Variants in KREMEN1 observed in about 807,000 individuals in gnomAD.
KREMEN1 encodes the protein kringle containing transmembrane protein 1.
Under a neutral mutation model 46.5 loss-of-function variants are expected in KREMEN1, and 30 were observed. That is an observed-to-expected ratio of 0.65 (90% CI 0.48 to 0.88). The LOEUF is 0.88. KREMEN1 is among the 40% of genes least tolerant of loss of function. The probability of loss-of-function intolerance (pLI) is 0.00; values close to 1 mark genes in which losing one functional copy is unlikely to be tolerated. For synonymous variants in KREMEN1, 214 were observed against 230.6 expected (o/e 0.93, Z 0.65); for missense variants, 533 against 596.9 (o/e 0.89, Z 1.11).
intron 1 of KREMEN1, among the ~76,000 whole-genome samples, chr22:29,084,930 G>C (rs2037707512): frequency 6.6e-6 from 1 of 152,114 alleles, no homozygotes; most frequent in Non-Finnish European, 1.5e-5. Context: ...TCCTTAAATG[G>C]AAAAGAAGAT....
chr22:29,125,364 C>G lies in KREMEN1; in HGVS notation c.579C>G (p.Phe193Leu). 6.2e-7 allele frequency: 1 copy of G among 1,614,176 alleles called. No individual in the cohort carries two copies. Among genetic ancestry groups the G allele is most frequent in the Non-Finnish European group, 8.5e-7 (1 of 1,180,022 alleles). The change falls in exon 5 of 9, where the codon TTC (phenylalanine) becomes TTG (leucine). Residue 193 changes from phenylalanine to leucine, a missense_variant. Transcript: ENST00000400335. ...GTACCGAATGCAACAGCGTCTGCTT[C>G]GGGGATCACACCCAACCCTGTGGTG... ...AASTECNSVCFGDHTQPCGGD... is the reference protein window; with the variant it reads ...AASTECNSVCLGDHTQPCGGD...
At chr22:29,133,019 C>T (rs774241256) in intron 5 of KREMEN1, among the ~76,000 whole-genome samples, 3 of 152,026 alleles carry the variant, frequency 2.0e-5, no homozygotes, top group Non-Finnish European at 2.9e-5. Flanking sequence ...GAGGCCGAGG[C>T]GGGTGGATCA....
chr22:29,096,761 T>C (rs889441920), intron 2 of KREMEN1, among the ~76,000 whole-genome samples: 1 of 152,160 alleles, frequency 6.6e-6, no homozygotes, highest in African/African-American at 2.4e-5. Context: ...TAATAAACAG[T>C]TTTCTAAGGG....
intron 6 of KREMEN1, among the ~76,000 whole-genome samples, 170 bp downstream of exon 6, chr22:29,137,844 A>G (rs2038695669): frequency 6.6e-6 from 1 of 152,166 alleles, no homozygotes; most frequent in Admixed American, 6.5e-5. Flanking sequence ...CCCCCATTTC[A>G]TAACTCATTT....
In KREMEN1 at chr22:29,144,262, C is replaced by G. The variant is rs1386651539; in HGVS notation, c.*2150C>G. The G allele has an allele frequency of 3.0e-6, 3 of 985,492 alleles. No individual in the cohort carries two copies. The African/African-American group carries it at 5.2e-5, about 17-fold the overall frequency. The allele number at this position is 985,492 out of a possible 1,614,324, so 61.0% of individuals were successfully genotyped here. ...TGGAAACACCTCTGCACCTGCCGCC[C>G]CTGGGAGGAAAGAGGGCCACACAGG... On this transcript the variant is annotated 3_prime_UTR_variant, in exon 9 of 9. Transcript: ENST00000400335.
At chr22:29,165,849 T>G (rs2039048864) in intron 9 of KREMEN1, among the ~76,000 whole-genome samples, 1 of 152,170 alleles carries the variant, frequency 6.6e-6, no homozygotes, top group South Asian at 2.1e-4. Context: ...GCATCTTCTC[T>G]CAGACTCTCA....
At chr22:29,090,694 C>G (rs1569314457) in intron 1 of KREMEN1, among the ~76,000 whole-genome samples, 3 of 152,164 alleles carry the variant, frequency 2.0e-5, no homozygotes, top group Non-Finnish European at 4.4e-5. Context: ...ATTTACCTAA[C>G]ATACACCCTA....
At chr22:29,090,912 C>G (rs79194480) in intron 1 of KREMEN1, among the ~76,000 whole-genome samples, 1 of 152,242 alleles carries the variant, frequency 6.6e-6, no homozygotes, top group South Asian at 2.1e-4. Flanking sequence ...GAAGCCTGCA[C>G]TTTCCCATTT....
intron 9 of KREMEN1, among the ~76,000 whole-genome samples, chr22:29,165,002 GT>G (rs1231679969): frequency 1.3e-5 from 2 of 151,758 alleles, no homozygotes; most frequent in Admixed American, 1.3e-4. Context: ...GTGAAACCCC[GT>G]CCCTACTAAA....
chr22:29,119,188 A>G (rs747895633), intron 3 of KREMEN1, among the ~76,000 whole-genome samples: 42 of 152,258 alleles, frequency 2.8e-4, no homozygotes, highest in Non-Finnish European at 5.0e-4. Flanking sequence ...TCTCAATTCA[A>G]TAGTTAAAAA....
chr22:29,131,556 A>C (rs796802623), intron 5 of KREMEN1, among the ~76,000 whole-genome samples: 1 of 72,078 alleles, frequency 1.4e-5, no homozygotes, highest in South Asian at 4.0e-4. Flanking sequence ...ATATATATAT[A>C]TATATGTGTG....
Position 29,145,733 on chromosome 22 carries a change from G to C in KREMEN1, c.*3621G>C. 5 of 985,560 alleles carry C rather than the reference G, an allele frequency of 5.1e-6. No homozygotes were observed. Among genetic ancestry groups the C allele is most frequent in the Non-Finnish European group, 6.0e-6 (5 of 829,992 alleles). 61.1% of individuals were successfully genotyped at this position (985,560 alleles called of 1,614,324 possible). ...CTGTCCCCCACGTCAGGACAGGCTTGAGGCCTCTCTGGGCGTGAGCGAGGA... is the reference window on the plus strand; with the variant it reads ...CTGTCCCCCACGTCAGGACAGGCTTCAGGCCTCTCTGGGCGTGAGCGAGGA... On this transcript the variant is annotated 3_prime_UTR_variant, in exon 9 of 9. Coordinates refer to ENST00000400335, the MANE Select transcript of KREMEN1 (RefSeq NM_001039570.3).
Position 29,073,137 on chromosome 22 carries a change from C to G in KREMEN1, c.7C>G (p.Pro3Ala). 9.3e-7 allele frequency: 1 copy of G among 1,079,824 alleles called. No homozygotes were observed. The highest frequency in any genetic ancestry group is 1.1e-6 in the Non-Finnish European group (1 of 893,954). 66.9% of individuals were successfully genotyped at this position (1,079,824 alleles called of 1,614,324 possible). A position where few individuals can be genotyped will look rare whatever the true frequency, so the allele number is the denominator to read the frequency against. The change falls in exon 1 of 9, where the codon CCG (proline) becomes GCG (alanine). Residue 3 changes from proline to alanine, a missense_variant. Physicochemically the swap from Pro to Ala is conservative, Grantham distance 27. Coordinates refer to ENST00000400335, the MANE Select transcript of KREMEN1 (RefSeq NM_001039570.3). The surrounding 1 kb of genome is among the most constrained non-coding windows in gnomAD (Gnocchi z 4.4). MA[P>A]PAARLALLSA... ...GGCCCCGCACTGACGGCCCATGGCG[C>G]CGCCAGCCGCCCGCCTCGCCCTGCT...
At chr22:29,111,395 G>T (rs976900951) in intron 3 of KREMEN1, among the ~76,000 whole-genome samples, 1 of 151,760 alleles carries the variant, frequency 6.6e-6, no homozygotes, top group Non-Finnish European at 1.5e-5. Context: ...GGCGGATCAT[G>T]AGGTCAGGAG....
rs565140628 is a variant in KREMEN1, at chr22:29,144,114, T to C, written c.*2002T>C. The stretch of plus-strand genomic sequence containing the variant: ...CTAGGCCCTCGTCAGAGCGTGCCTC[T>C]CCACAAGGCACTTGGGCCTGGGTGA... On this transcript the variant is annotated 3_prime_UTR_variant, in exon 9 of 9. Coordinates refer to ENST00000400335, the MANE Select transcript of KREMEN1 (RefSeq NM_001039570.3). The C allele has an allele frequency of 2.0e-6, 2 of 985,490 alleles. No homozygotes were observed. Among genetic ancestry groups the C allele is most frequent in the East Asian group, 1.1e-4 (1 of 8,818 alleles). The allele number at this position is 985,490 out of a possible 1,614,324, so 61.0% of individuals were successfully genotyped here.
At chr22:29,136,968 G>A (rs2038668992) in intron 5 of KREMEN1, among the ~76,000 whole-genome samples, 1 of 152,164 alleles carries the variant, frequency 6.6e-6, no homozygotes, top group Non-Finnish European at 1.5e-5. Context: ...ACACATTCCC[G>A]TGATACAGGA....
downstream of KREMEN1, among the ~76,000 whole-genome samples, chr22:29,150,996 G>C (rs1366059085): frequency 6.6e-6 from 1 of 152,178 alleles, no homozygotes; most frequent in Non-Finnish European, 1.5e-5. Flanking sequence ...ACAGGCAGTG[G>C]GTGGGCCCCC....
intron 3 of KREMEN1, 63 bp downstream of exon 3, chr22:29,099,016 G>A (rs929265291): frequency 2.4e-6 from 3 of 1,267,156 alleles, no homozygotes; most frequent in East Asian, 2.3e-5. Context: ...TGCGTAGAGG[G>A]AGGCCCCTGC....
intron 5 of KREMEN1, among the ~76,000 whole-genome samples, chr22:29,132,701 A>C (rs534799286): frequency 6.6e-6 from 1 of 152,316 alleles, no homozygotes; most frequent in Admixed American, 6.5e-5. Flanking sequence ...AAATTCCTTT[A>C]GCATTTTGTC....
Sources: gnomAD v4.1 joint callset for allele counts (sites outside exome capture counted in the v4.1 genomes callset) on GRCh38, gnomAD v4.1.1 for gene constraint, Gnocchi (gnomAD v3.1) non-coding constraint, MANE v1.5 for transcripts, NCBI Gene and HGNC (gene_info 2026-07-23, HGNC 2026-07-21) for gene names.